The following DHRS9 variants were observed in gnomAD, a reference collection of about 807,000 sequenced individuals.
DHRS9 encodes the protein dehydrogenase/reductase SDR family member 9.
DHRS9 carries 18 observed loss-of-function variants against 26.6 expected under a neutral mutation model. The observed-to-expected ratio is 0.68, with a 90% CI of 0.47 to 1.00. DHRS9 has a LOEUF of 1.00. Ranked by LOEUF, DHRS9 falls within the 50% of genes least tolerant of loss-of-function variation. DHRS9 has a pLI of 0.00. For synonymous variants in DHRS9, 134 were observed against 141.1 expected, an observed-to-expected ratio of 0.95 and a Z score of 0.36; for missense variants, 425 against 378.7, an observed-to-expected ratio of 1.12 and a Z score of -1.01.
upstream of DHRS9, among the ~76,000 whole-genome samples, chr2:169,068,563 T>A (rs776314717): frequency 6.6e-6 from 1 of 152,134 alleles, no homozygotes; most frequent in Non-Finnish European, 1.5e-5. Flanking sequence ...TGACCTCAAG[T>A]GATCCGCCCG....
chr2:169,083,383 A>C lies in DHRS9; in HGVS notation c.368A>C (p.Asp123Ala). Residue 123 changes from aspartate (D) to alanine (A), a missense_variant, in exon 3 of 5, where the codon GAC becomes GCC. Asp to Ala is a moderately radical substitution (Grantham distance 126, BLOSUM62 -2). Transcript: ENST00000674881. The stretch of plus-strand genomic sequence containing the variant: ...GTTCCCGGCGTGCTGGCTCCCACTG[A>C]CTGGCTGACACTAGAGGACTACAGA... The part of the protein sequence containing the change: ...AGVPGVLAPT[D>A]WLTLEDYREP... 6.2e-7 allele frequency: 1 copy of C among 1,614,092 alleles called. No individual in the cohort carries two copies. The highest frequency in any genetic ancestry group is 8.5e-7 in the Non-Finnish European group (1 of 1,179,984).
chr2:169,091,598 A>G (rs1436202533), intron 3 of DHRS9, among the ~76,000 whole-genome samples, 192 bp from the exon 4 acceptor site: 1 of 152,242 alleles, frequency 6.6e-6, no homozygotes, highest in East Asian at 1.9e-4. Flanking sequence ...GCCGTTAACT[A>G]GTCCTCACTT....
chr2:169,094,882 G>A (rs536920418), intron 4 of DHRS9, among the ~76,000 whole-genome samples: 2 of 152,004 alleles, frequency 1.3e-5, no homozygotes, highest in Non-Finnish European at 2.9e-5. Context: ...AGGTATCTTC[G>A]CTCATTATTC....
intron 1 of DHRS9, chr2:169,074,254 G>C (rs1683894570): frequency 1.0e-6 from 1 of 984,844 alleles, no homozygotes; most frequent in African/African-American, 1.7e-5. Flanking sequence ...CTACTTTACA[G>C]GTAGGAAAAT....
At chr2:169,086,557 TTA>T (rs1218081347) in intron 3 of DHRS9, among the ~76,000 whole-genome samples, 1 of 152,194 alleles carries the variant, frequency 6.6e-6, no homozygotes, top group African/African-American at 2.4e-5. Flanking sequence ...TTTTTTTTTT[TTA>T]TGTCTGTGCA....
chr2:169,074,427 T>C, intron 1 of DHRS9: 1 of 985,416 alleles, frequency 1.0e-6, no homozygotes, highest in Non-Finnish European at 1.2e-6. Flanking sequence ...TGCGATAAAT[T>C]GGAAGACACA....
At chr2:169,089,957 C>T (rs972012381) in intron 3 of DHRS9, among the ~76,000 whole-genome samples, 1 of 152,126 alleles carries the variant, frequency 6.6e-6, no homozygotes, top group Non-Finnish European at 1.5e-5. Flanking sequence ...ACTCTACAAC[C>T]AGCAGTATCA....
At chr2:169,095,070 T>C (rs1684651851) in intron 4 of DHRS9, among the ~76,000 whole-genome samples, 1 of 152,204 alleles carries the variant, frequency 6.6e-6, no homozygotes, top group Admixed American at 6.5e-5. Context: ...ACATTTTCTC[T>C]AGACACATAA....
intron 1 of DHRS9, among the ~76,000 whole-genome samples, chr2:169,077,704 T>G (rs1684004676): frequency 6.6e-6 from 1 of 152,142 alleles, no homozygotes; most frequent in Admixed American, 6.5e-5. Context: ...CCCTTTTGTC[T>G]GAGAAGCTTT....
At chr2:169,083,118 A>T (rs1324342591) in intron 2 of DHRS9, among the ~76,000 whole-genome samples, 1 of 152,232 alleles carries the variant, frequency 6.6e-6, no homozygotes, top group Admixed American at 6.5e-5. Flanking sequence ...ATTCAGAACC[A>T]GAAATAGAGT....
chr2:169,084,558 TG>T (rs1684292940), intron 3 of DHRS9, among the ~76,000 whole-genome samples: 1 of 152,180 alleles, frequency 6.6e-6, no homozygotes, highest in Non-Finnish European at 1.5e-5. Context: ...AATATTTCAT[TG>T]TACTTTTGAT....
Position 169,095,825 on chromosome 2 carries a change from A to G in DHRS9, c.*58A>G, listed in dbSNP as rs1684683010. ...TGAAATTGGCCGATTTCAAGAACAC[A>G]TCTCCTTTTCAACCCCATTCCTTAT... On this transcript the variant is annotated 3_prime_UTR_variant, in exon 5 of 5. Coordinates refer to ENST00000674881, the MANE Select transcript of DHRS9 (RefSeq NM_001376924.1). The G allele has an allele frequency of 6.8e-7, 1 of 1,481,450 alleles. No individual in the cohort carries two copies. Among genetic ancestry groups the G allele is most frequent in the East Asian group, 2.3e-5 (1 of 43,700 alleles). 91.8% of individuals were successfully genotyped at this position (1,481,450 alleles called of 1,614,324 possible).
chr2:169,090,793 C>T (rs540080945), intron 3 of DHRS9, among the ~76,000 whole-genome samples: 1 of 152,288 alleles, frequency 6.6e-6, no homozygotes, highest in African/African-American at 2.4e-5. Flanking sequence ...AAGTGAGATG[C>T]ATGCATTACA....
At chr2:169,091,725 A>C in intron 3 of DHRS9, 65 bp from the exon 4 acceptor site, 1 of 1,486,704 alleles carries the variant, frequency 6.7e-7, no homozygotes, top group Non-Finnish European at 9.1e-7. Flanking sequence ...GAAAATAGTC[A>C]CTCAAATAGC....
At chr2:169,080,628 C>T (rs1684153479) in intron 1 of DHRS9, among the ~76,000 whole-genome samples, 1 of 152,264 alleles carries the variant, frequency 6.6e-6, no homozygotes, top group African/African-American at 2.4e-5. Context: ...AGCCCTCTAC[C>T]TGCCTGATTT....
intron 3 of DHRS9, among the ~76,000 whole-genome samples, chr2:169,091,397 G>T (rs984996499): frequency 6.6e-6 from 1 of 152,176 alleles, no homozygotes; most frequent in Admixed American, 6.6e-5. Context: ...TCCTTATGTT[G>T]CTAGAATGGA....
intron 1 of DHRS9, chr2:169,070,025 T>G: frequency 1.1e-6 from 1 of 897,306 alleles, no homozygotes; most frequent in Non-Finnish European, 1.3e-6. Flanking sequence ...TGACACTATC[T>G]GTGAATCTTA....
At chr2:169,087,313 AGCCCAAGG>A (rs1350444111) in intron 3 of DHRS9, among the ~76,000 whole-genome samples, 1 of 152,156 alleles carries the variant, frequency 6.6e-6, no homozygotes, top group Non-Finnish European at 1.5e-5. Context: ...GTTTACTCAA[AGCCCAAGG>A]GCTCTTCAAT....
In DHRS9 at chr2:169,083,990, C is replaced by G. The variant is rs192498957; in HGVS notation, c.572+403C>G. Among the ~76,000 whole-genome samples the G allele has an allele frequency of 2.0e-5, 3 of 151,940 alleles. No homozygotes were observed. In the East Asian group the frequency reaches 5.8e-4, roughly 29 times the overall value. ...TACCCCCTAACCATTCCCTCTCACC[C>G]CCACTACCCTCTCAAGCATCTAGTA... On this transcript the variant is annotated intron_variant, in intron 3 of 4. Coordinates refer to ENST00000674881, the MANE Select transcript of DHRS9 (RefSeq NM_001376924.1).
Sources: allele counts gnomAD v4.1 joint callset (sites outside exome capture counted in the v4.1 genomes callset), GRCh38; gene constraint gnomAD v4.1.1; transcripts MANE v1.5; gene names NCBI Gene and HGNC (gene_info 2026-07-23, HGNC 2026-07-21).